Variants in TAFA2 observed in about 807,000 individuals in gnomAD.
TAFA2 encodes chemokine-like protein TAFA-2.
Under a neutral mutation model 18.8 loss-of-function variants are expected in TAFA2, and 7 were observed. The observed-to-expected ratio is 0.37, with a 90% CI of 0.21 to 0.70. The LOEUF is 0.70. Among genes scored for constraint, TAFA2 ranks in the 30% least tolerant of loss-of-function variants. The probability of loss-of-function intolerance (pLI) is 0.53; values close to 1 mark genes in which losing one functional copy is unlikely to be tolerated. For synonymous variants in TAFA2, 60 were observed against 54.2 expected, an observed-to-expected ratio of 1.11 and a Z score of -0.47; for missense variants, 122 against 158.1, an observed-to-expected ratio of 0.77 and a Z score of 1.23.
chr12:61,821,970 T>C (rs775282906), intron 2 of TAFA2, among the ~76,000 whole-genome samples: 1 of 152,120 alleles, frequency 6.6e-6, no homozygotes, highest in Non-Finnish European at 1.5e-5. Flanking sequence ...AGTTTAAGTA[T>C]TGAATTAATT....
intron 2 of TAFA2, among the ~76,000 whole-genome samples, chr12:61,769,546 G>T (rs954836599): frequency 6.6e-6 from 1 of 151,980 alleles, no homozygotes; most frequent in Admixed American, 6.6e-5. Flanking sequence ...GAGACCTGAA[G>T]ACAGATCACA....
chr12:62,233,350 G>A (rs1355356072), intron 1 of TAFA2, among the ~76,000 whole-genome samples: 1 of 151,994 alleles, frequency 6.6e-6, no homozygotes, highest in Non-Finnish European at 1.5e-5. Flanking sequence ...CAAAGTGCTA[G>A]GATTACAGGT....
chr12:61,835,459 C>G (rs1019335269), intron 2 of TAFA2, among the ~76,000 whole-genome samples: 1 of 151,970 alleles, frequency 6.6e-6, no homozygotes, highest in South Asian at 2.1e-4. Context: ...TGGGCTGCCA[C>G]TGATCCCATC....
At chr12:62,103,427 G>A (rs980629765) in intron 1 of TAFA2, among the ~76,000 whole-genome samples, 2 of 152,132 alleles carry the variant, frequency 1.3e-5, no homozygotes, top group Non-Finnish European at 2.9e-5. Context: ...CTAGAGTTGT[G>A]CAGAATGGCT....
At chr12:61,855,060 C>T (rs956200302) in intron 2 of TAFA2, among the ~76,000 whole-genome samples, 2 of 152,172 alleles carry the variant, frequency 1.3e-5, no homozygotes, top group African/African-American at 4.8e-5. Context: ...TGTTCTTTAA[C>T]AAATGCCTGC....
At chr12:61,965,044 G>T (rs567602225) in intron 1 of TAFA2, among the ~76,000 whole-genome samples, 3 of 151,910 alleles carry the variant, frequency 2.0e-5, no homozygotes, top group African/African-American at 4.8e-5. Flanking sequence ...GACGTTCAAA[G>T]GTCAATTATC....
chr12:61,821,577 G>A (rs1258231984), intron 2 of TAFA2, among the ~76,000 whole-genome samples: 1 of 152,032 alleles, frequency 6.6e-6, no homozygotes, highest in Non-Finnish European at 1.5e-5. Context: ...CTATTTCAGA[G>A]CTGTCCTAGG....
chr12:62,179,833 C>T (rs554018964), intron 1 of TAFA2, among the ~76,000 whole-genome samples: 3 of 152,256 alleles, frequency 2.0e-5, no homozygotes, highest in East Asian at 1.9e-4. Context: ...AATTCTTCCT[C>T]GTTATATCCC....
chr12:61,975,531 G>GTGTGTGTGTGTGTGTGTGTGTGTA (rs1879401308), intron 1 of TAFA2, among the ~76,000 whole-genome samples: 1 of 151,322 alleles, frequency 6.6e-6, no homozygotes, highest in South Asian at 2.1e-4. Flanking sequence ...GTGTGTGTGT[G>GTGTGTGTGTGTGTGTGTGTGTGTA]TGTGTGTGTG....
intron 4 of TAFA2, among the ~76,000 whole-genome samples, chr12:61,749,794 TAA>T (rs1190264345): frequency 6.6e-6 from 1 of 152,096 alleles, no homozygotes; most frequent in Non-Finnish European, 1.5e-5. Flanking sequence ...AAAAACAATG[TAA>T]AGTCTTATAT....
intron 2 of TAFA2, among the ~76,000 whole-genome samples, chr12:61,841,491 C>A (rs1211750316): frequency 6.6e-6 from 1 of 152,064 alleles, no homozygotes; most frequent in Non-Finnish European, 1.5e-5. Flanking sequence ...GATCTCCATT[C>A]TATTGGTCTA....
At chr12:61,851,077 T>C (rs1253508703) in intron 2 of TAFA2, among the ~76,000 whole-genome samples, 1 of 152,326 alleles carries the variant, frequency 6.6e-6, no homozygotes, top group Non-Finnish European at 1.5e-5. Context: ...GAACAGCAGA[T>C]GTTGAACATG....
chr12:61,886,853 G>T (rs1388605892), intron 1 of TAFA2, among the ~76,000 whole-genome samples: 1 of 152,196 alleles, frequency 6.6e-6, no homozygotes, highest in Non-Finnish European at 1.5e-5. Flanking sequence ...TGTAATGATA[G>T]TACTGAATAG....
At chr12:61,899,999 G>A (rs1490711208) in intron 1 of TAFA2, among the ~76,000 whole-genome samples, 1 of 152,166 alleles carries the variant, frequency 6.6e-6, no homozygotes, top group Non-Finnish European at 1.5e-5. Context: ...AGGGAAGACT[G>A]TATTTCGAAG....
chr12:61,960,028 C>T (rs982453062), intron 1 of TAFA2, among the ~76,000 whole-genome samples: 25 of 151,980 alleles, frequency 1.6e-4, no homozygotes, highest in African/African-American at 6.0e-4. Flanking sequence ...GTGTATACCA[C>T]CGGAACTAGC....
At chr12:62,153,015 T>C (rs997310941) in intron 1 of TAFA2, among the ~76,000 whole-genome samples, 2 of 152,120 alleles carry the variant, frequency 1.3e-5, no homozygotes, top group South Asian at 2.1e-4. Flanking sequence ...CACCACCGCC[T>C]CACCCAGCTT....
chr12:61,820,805 A>C (rs969037558), intron 2 of TAFA2, among the ~76,000 whole-genome samples: 1 of 152,032 alleles, frequency 6.6e-6, no homozygotes, highest in African/African-American at 2.4e-5. Flanking sequence ...TCATATGTTA[A>C]ATGAAGAAGT....
chr12:61,847,355 T>G (rs1873450009), intron 2 of TAFA2, among the ~76,000 whole-genome samples: 1 of 152,132 alleles, frequency 6.6e-6, no homozygotes, highest in African/African-American at 2.4e-5. Flanking sequence ...TTAAGTAGTA[T>G]CTGGTACAAA....
chr12:62,233,007 T>G (rs1228086233), intron 1 of TAFA2, among the ~76,000 whole-genome samples: 2 of 146,168 alleles, frequency 1.4e-5, no homozygotes, highest in African/African-American at 5.1e-5. Flanking sequence ...AATGCCTTTC[T>G]AACCCCCTTA....
Sources: allele counts gnomAD v4.1 joint callset (sites outside exome capture counted in the v4.1 genomes callset), GRCh38; gene constraint gnomAD v4.1.1; transcripts MANE v1.5; gene names NCBI Gene and HGNC (gene_info 2026-07-23, HGNC 2026-07-21).